The following AP1B1 variants were observed in gnomAD, a reference collection of about 807,000 sequenced individuals.
AP1B1 encodes the protein AP-1 complex subunit beta-1.
In AP1B1, 36 loss-of-function variants were observed where a neutral mutation model predicts 104.3. That is an observed-to-expected ratio of 0.35 (90% confidence interval 0.26 to 0.46). AP1B1 has a LOEUF of 0.46. Ranked by LOEUF, AP1B1 falls within the 20% of genes least tolerant of loss-of-function variation. AP1B1 has a pLI of 1.00. For missense variants in AP1B1, 901 were observed against 1,247.9 expected, an observed-to-expected ratio of 0.72 and a Z score of 4.19; for synonymous variants, 504 against 517.5, an observed-to-expected ratio of 0.97 and a Z score of 0.35.
intron 7 of AP1B1, among the ~76,000 whole-genome samples, chr22:29,353,378 C>G (rs1229515753): frequency 6.6e-6 from 1 of 152,124 alleles, no homozygotes; most frequent in Admixed American, 6.6e-5. Context: ...GCAAAAGCTG[C>G]CCAGCCACAT....
At chr22:29,374,879 A>C (rs999230930) in intron 1 of AP1B1, among the ~76,000 whole-genome samples, 1 of 152,228 alleles carries the variant, frequency 6.6e-6, no homozygotes, top group Non-Finnish European at 1.5e-5. Context: ...AAATGACAGC[A>C]CAGTAGAGCT....
At chr22:29,329,035 G>C (rs184147823) in intron 22 of AP1B1, 140 bp from the exon 23 acceptor site, 2 of 1,462,426 alleles carry the variant, frequency 1.4e-6, no homozygotes, top group African/African-American at 1.4e-5. Context: ...GCCTGGCACA[G>C]ATGTGAGGTA....
chr22:29,359,045 C>A lies in AP1B1; in HGVS notation c.280-74G>T. ...GTGGCTTCATATTCTCCCTGGCCTG[C>A]AGCTCTGAGCCCTGCTAGGCTGAGC... On this transcript the variant is annotated intron_variant, in intron 4 of 22. Coordinates refer to ENST00000357586, the MANE Select transcript of AP1B1 (RefSeq NM_001127.4). 3 of 1,432,140 alleles carry A rather than the reference C, an allele frequency of 2.1e-6. No individual in the cohort carries two copies. In the South Asian group the frequency reaches 3.9e-5, roughly 19 times the overall value. 88.7% of individuals were successfully genotyped at this position (1,432,140 alleles called of 1,614,324 possible). A position where few individuals can be genotyped will look rare whatever the true frequency, so the allele number is the denominator to read the frequency against.
At position 29,328,679 on chromosome 22, in the gene AP1B1, G is replaced by A. The variant is rs2147923574; in HGVS notation, c.*142C>T. ...TGGTGCCCTACCCCAGGGATCGGGTGGGTTCTGCCATCAGGACCAGGGAGC... is the reference window on the plus strand; with the variant it reads ...TGGTGCCCTACCCCAGGGATCGGGTAGGTTCTGCCATCAGGACCAGGGAGC... On this transcript the variant is annotated 3_prime_UTR_variant, in exon 23 of 23. Transcript: ENST00000357586. The surrounding 1 kb of genome is among the most constrained non-coding windows in gnomAD (Gnocchi z 4.1). 2 of 1,033,542 alleles carry A rather than the reference G, an allele frequency of 1.9e-6. No individual in the cohort carries two copies. Among genetic ancestry groups the A allele is most frequent in the Non-Finnish European group, 2.8e-6 (2 of 721,486 alleles). The allele number at this position is 1,033,542 out of a possible 1,614,324, so 64.0% of individuals were successfully genotyped here. A position where few individuals can be genotyped will look rare whatever the true frequency, so the allele number is the denominator to read the frequency against.
rs757261039 is a variant in AP1B1 at position 29,340,728 on chromosome 22, G to A, written c.1926C>T (p.Ser642=). The A allele has an allele frequency of 4.4e-6, 7 of 1,593,318 alleles. No individual in the cohort carries two copies. The South Asian group carries it at 5.7e-5, about 13-fold the overall frequency. Reference sequence around the variant, plus strand: ...CCGAGGAGGTGGCCAGGGGTGGGCCGCTCACTGGGGGGCCGAGGTCCAGGT... The same window carrying A: ...CCGAGGAGGTGGCCAGGGGTGGGCCACTCACTGGGGGGCCGAGGTCCAGGT... ...LLNLDLGPPV[S]GPPLATSSVQ... is the part of the protein sequence containing the mutation. Residue 642 remains serine (S), a synonymous_variant, in exon 14 of 23, where the codon AGC becomes AGT. Coordinates refer to ENST00000357586, the MANE Select transcript of AP1B1 (RefSeq NM_001127.4).
At chr22:29,358,417 C>T (rs745529007) in intron 5 of AP1B1, among the ~76,000 whole-genome samples, 8 of 152,220 alleles carry the variant, frequency 5.3e-5, no homozygotes, top group Non-Finnish European at 1.2e-4. Flanking sequence ...CAGGCCATCC[C>T]AGGCACGTCA....
intron 21 of AP1B1, 49 bp from the exon 22 acceptor site, chr22:29,329,769 A>C (rs1183773491): frequency 6.2e-7 from 1 of 1,611,828 alleles, no homozygotes; most frequent in Non-Finnish European, 8.5e-7. Flanking sequence ...AACCAAACAC[A>C]GGGAGACGGA....
In AP1B1 at chr22:29,364,511, T is replaced by C. The variant is rs1015261154; in HGVS notation, c.38-1405A>G. 7.9e-5 allele frequency among the ~76,000 whole-genome samples: 12 copies of C among 151,962 alleles called. 1 individual carries two copies. The South Asian group carries it at 8.3e-4, about 11-fold the overall frequency. ...TCAGCTCACTGCAACTTCTGCCTCC[T>C]GGGTTCCAGCAATTCTCCTGCCTCA... On this transcript the variant is annotated intron_variant, in intron 2 of 22. Transcript: ENST00000357586.
rs531794910 is a variant in AP1B1, at chr22:29,351,126, C to A, written c.1155+45G>T. The A allele has an allele frequency of 9.0e-6, 14 of 1,554,668 alleles. No homozygotes were observed. The African/African-American group carries it at 1.2e-4, about 14-fold the overall frequency. On this transcript the variant is annotated intron_variant, in intron 9 of 22. Coordinates refer to ENST00000357586, the MANE Select transcript of AP1B1 (RefSeq NM_001127.4). ...AATCAGACTGGTTTCCCGGTTTCAG[C>A]CCCCTTTTCCTTCTCCAGCCAAGGA...
At chr22:29,351,994 C>T (rs866121002) in intron 7 of AP1B1, among the ~76,000 whole-genome samples, 169 bp from the exon 8 acceptor site, 2 of 152,226 alleles carry the variant, frequency 1.3e-5, no homozygotes, top group Non-Finnish European at 2.9e-5. Flanking sequence ...GCCCAGCAAC[C>T]GGCCTGAGCA....
At chr22:29,351,292 G>A (rs1489282692) in intron 8 of AP1B1, 26 bp from the exon 9 acceptor site, 5 of 1,611,746 alleles carry the variant, frequency 3.1e-6, no homozygotes, top group Non-Finnish European at 4.2e-6. Flanking sequence ...AAAAGATGGG[G>A]CTGGGGCACC....
intron 21 of AP1B1, chr22:29,330,071 G>A: frequency 7.1e-7 from 1 of 1,412,816 alleles, no homozygotes; most frequent in Non-Finnish European, 9.2e-7. Context: ...ACAGGGCCAG[G>A]GCCTGTGCCC....
chr22:29,355,521 G>A (rs1009431282), intron 6 of AP1B1, among the ~76,000 whole-genome samples: 2 of 152,094 alleles, frequency 1.3e-5, no homozygotes, highest in African/African-American at 4.8e-5. Flanking sequence ...TGGTTCTGCT[G>A]CTTGATAACC....
At chr22:29,345,536 T>TG (rs2061779605) in intron 11 of AP1B1, among the ~76,000 whole-genome samples, 1 of 117,610 alleles carries the variant, frequency 8.5e-6, no homozygotes, top group Non-Finnish European at 1.9e-5. Context: ...CACACCCAGC[T>TG]AATTTTTTTT....
intron 1 of AP1B1, among the ~76,000 whole-genome samples, chr22:29,368,265 T>A (rs887430103): frequency 6.6e-6 from 1 of 151,654 alleles, no homozygotes; most frequent in African/African-American, 2.4e-5. Context: ...ACCACTGCAC[T>A]CCAGCCTGGG....
At chr22:29,334,134 T>A in intron 17 of AP1B1, 131 bp downstream of exon 17, 1 of 1,041,898 alleles carries the variant, frequency 9.6e-7, no homozygotes, top group Non-Finnish European at 1.4e-6. Context: ...GTGGGGAACA[T>A]CCTTCAGAAA....
At chr22:29,380,324 C>T (rs1361278404) in intron 1 of AP1B1, among the ~76,000 whole-genome samples, 1 of 152,134 alleles carries the variant, frequency 6.6e-6, no homozygotes, top group Non-Finnish European at 1.5e-5. Context: ...TCTTCTCTTC[C>T]CCATCTATGC....
intron 1 of AP1B1, among the ~76,000 whole-genome samples, chr22:29,373,692 C>T (rs2062280768): frequency 6.6e-6 from 1 of 152,096 alleles, no homozygotes; most frequent in African/African-American, 2.4e-5. Context: ...CACCTGCGGC[C>T]AGGAGTTCGA....
intron 15 of AP1B1, 29 bp from the exon 16 acceptor site, chr22:29,339,162 G>A: frequency 1.2e-6 from 2 of 1,613,754 alleles, no homozygotes; most frequent in Non-Finnish European, 1.7e-6. Context: ...AGTCAGAGGT[G>A]GGCGTCAAGA....
Sources: allele counts gnomAD v4.1 joint callset (sites outside exome capture counted in the v4.1 genomes callset), GRCh38; gene constraint gnomAD v4.1.1; non-coding constraint Gnocchi (gnomAD v3.1); transcripts MANE v1.5; gene names NCBI Gene and HGNC (gene_info 2026-07-23, HGNC 2026-07-21).